The following DCTD variants were observed in gnomAD, a reference collection of about 807,000 sequenced individuals.
The protein encoded by DCTD is deoxycytidylate deaminase.
A neutral mutation model predicts 21.0 loss-of-function variants in DCTD; 23 were observed. That is an observed-to-expected ratio of 1.09 (90% confidence interval 0.79 to 1.55). The LOEUF is 1.55. DCTD is among the 40% of genes most tolerant of loss of function. DCTD has a pLI of 0.00. For missense variants in DCTD, 224 were observed against 230.0 expected (o/e 0.97, Z 0.17); for synonymous variants, 71 against 81.1 (o/e 0.88, Z 0.67).
intron 3 of DCTD, 124 bp downstream of exon 3, chr4:182,914,799 G>A (rs61315946): frequency 1.8e-6 from 2 of 1,129,278 alleles, no homozygotes; most frequent in South Asian, 1.5e-5. Flanking sequence ...GGGTAGTTCA[G>A]TAGGATACTT....
intron 4 of DCTD, 89 bp from the exon 5 acceptor site, chr4:182,893,216 CTA>C: frequency 1.3e-6 from 1 of 775,246 alleles, no homozygotes; most frequent in Admixed American, 2.0e-5. Flanking sequence ...CTTTCAGCGT[CTA>C]TGATTAATGA....
intron 3 of DCTD, among the ~76,000 whole-genome samples, chr4:182,906,197 A>T (rs1399331325): frequency 6.6e-6 from 1 of 152,050 alleles, no homozygotes; most frequent in Non-Finnish European, 1.5e-5. Context: ...TAGCTTCTAA[A>T]CATCAGAAAT....
rs1734139007 is a variant in DCTD, at chr4:182,893,246, T to C, written c.362-119A>G. ...ATTAATGACCTTTTCTGAGTGTGCT[T>C]GCAGACAGTGTCCAGTCACTGAAAT... On this transcript the variant is annotated intron_variant, in intron 4 of 5. Coordinates refer to ENST00000438320, the MANE Select transcript of DCTD (RefSeq NM_001921.3). 5.6e-6 allele frequency: 4 copies of C among 719,104 alleles called. No homozygotes were observed. The South Asian group carries it at 6.0e-5, about 11-fold the overall frequency. The allele number at this position is 719,104 out of a possible 1,614,324, so 44.5% of individuals were successfully genotyped here.
chr4:182,897,822 C>G (rs1735018867), intron 3 of DCTD, among the ~76,000 whole-genome samples: 1 of 152,200 alleles, frequency 6.6e-6, no homozygotes, highest in Non-Finnish European at 1.5e-5. Context: ...CGCAACCCAG[C>G]CCTGCCCCCT....
intron 4 of DCTD, among the ~76,000 whole-genome samples, chr4:182,893,644 A>C (rs1429901376): frequency 6.6e-6 from 1 of 152,262 alleles, no homozygotes; most frequent in African/African-American, 2.4e-5. Flanking sequence ...CCCCGCACTG[A>C]AGGCCGCTGC....
intron 1 of DCTD, chr4:182,916,559 G>A (rs1298600951): frequency 3.0e-6 from 3 of 989,172 alleles, no homozygotes; most frequent in Non-Finnish European, 3.6e-6. Flanking sequence ...GGATGCAGTG[G>A]AGAGTGGGTG....
chr4:182,897,978 C>T (rs1255508064), intron 3 of DCTD, among the ~76,000 whole-genome samples: 1 of 152,252 alleles, frequency 6.6e-6, no homozygotes, highest in Non-Finnish European at 1.5e-5. Flanking sequence ...TCCTTTTGGG[C>T]CTGTCCTGAG....
At chr4:182,895,155 T>C (rs1002779713) in intron 3 of DCTD, among the ~76,000 whole-genome samples, 1 of 152,224 alleles carries the variant, frequency 6.6e-6, no homozygotes, top group African/African-American at 2.4e-5. Flanking sequence ...CACTGCAGCC[T>C]CGAGCTCCTG....
At chr4:182,910,726 C>G (rs1313826185) in intron 3 of DCTD, among the ~76,000 whole-genome samples, 2 of 152,170 alleles carry the variant, frequency 1.3e-5, no homozygotes, top group Non-Finnish European at 2.9e-5. Flanking sequence ...TAAAAAGCTT[C>G]TTTAGCAGAG....
intron 3 of DCTD, chr4:182,911,167 T>C (rs953862834): frequency 1.3e-5 from 2 of 152,172 alleles, no homozygotes; most frequent in African/African-American, 4.8e-5. Flanking sequence ...GGGTTGCAGA[T>C]AGCCATCTTC....
upstream of DCTD, chr4:182,917,532 T>C: frequency 3.8e-6 from 1 of 260,204 alleles, no homozygotes; most frequent in Non-Finnish European, 6.3e-6. This position sits in a 1 kb window ranked among gnomAD's most constrained non-coding sequence, Gnocchi z 4.9. Flanking sequence ...AAGGCGCTGC[T>C]CCGCGTCGCC....
chr4:182,916,626 C>A (rs1738781885), intron 1 of DCTD: 1 of 997,432 alleles, frequency 1.0e-6, no homozygotes, highest in Non-Finnish European at 1.2e-6. Flanking sequence ...GGCCTGGCAA[C>A]CCCCCTAACA....
At chr4:182,897,819 C>T (rs1157417395) in intron 3 of DCTD, among the ~76,000 whole-genome samples, 1 of 152,212 alleles carries the variant, frequency 6.6e-6, no homozygotes, top group Non-Finnish European at 1.5e-5. Flanking sequence ...GGCCGCAACC[C>T]AGCCCTGCCC....
chr4:182,892,999 C>CCCGTCG (rs1561314327), intron 5 of DCTD, 32 bp downstream of exon 5: 3 of 1,360,986 alleles, frequency 2.2e-6, no homozygotes, highest in Non-Finnish European at 3.1e-6. Context: ...TTCACCCTAC[C>CCCGTCG]CCGTCCCCCC....
chr4:182,892,583 C>G (rs570345457), intron 5 of DCTD, among the ~76,000 whole-genome samples: 1 of 151,800 alleles, frequency 6.6e-6, no homozygotes, highest in East Asian at 1.9e-4. Context: ...GAGCCAGGAT[C>G]GCACCACTGC....
At position 182,898,687 on chromosome 4, in the gene DCTD, C is replaced by T. The variant is rs560112781; in HGVS notation, c.245-4082G>A. On this transcript the variant is annotated intron_variant, in intron 3 of 5. Coordinates refer to ENST00000438320, the MANE Select transcript of DCTD (RefSeq NM_001921.3). ...TTTTCTTCTCCTGTAAGCATGCATACTTAGTCCTTAGTCTAGAGAGGTCAT... is the reference window on the plus strand; with the variant it reads ...TTTTCTTCTCCTGTAAGCATGCATATTTAGTCCTTAGTCTAGAGAGGTCAT... Among the ~76,000 whole-genome samples the T allele has an allele frequency of 2.0e-5, 3 of 152,276 alleles. No individual in the cohort carries two copies. In the South Asian group the frequency reaches 6.2e-4, roughly 32 times the overall value.
intron 1 of DCTD, 57 bp from the exon 2 acceptor site, chr4:182,915,632 T>A: frequency 8.3e-7 from 1 of 1,209,880 alleles, no homozygotes. Context: ...TAAGTCTGTT[T>A]TCCAGTTCAA....
intron 1 of DCTD, chr4:182,916,692 C>T: frequency 9.8e-7 from 1 of 1,019,698 alleles, no homozygotes; most frequent in African/African-American, 1.7e-5. Flanking sequence ...GGGCCAGCAT[C>T]CATCATCGCT....
chr4:182,899,809 C>T (rs985394720), intron 3 of DCTD, among the ~76,000 whole-genome samples: 1 of 152,198 alleles, frequency 6.6e-6, no homozygotes, highest in African/African-American at 2.4e-5. Flanking sequence ...CTCCCCAGGC[C>T]TTTTCTTTTG....
Sources: gnomAD v4.1 joint callset for allele counts (sites outside exome capture counted in the v4.1 genomes callset) on GRCh38, gnomAD v4.1.1 for gene constraint, Gnocchi (gnomAD v3.1) non-coding constraint, MANE v1.5 for transcripts, NCBI Gene and HGNC (gene_info 2026-07-23, HGNC 2026-07-21) for gene names.